Variants in AMOTL1 observed in about 807,000 individuals in gnomAD.
The protein encoded by AMOTL1 is angiomotin-like protein 1.
In AMOTL1, 45 loss-of-function variants were observed where a neutral mutation model predicts 102.9. The observed-to-expected ratio is 0.44, with a 90% CI of 0.34 to 0.56. The LOEUF is 0.56. AMOTL1 is among the 20% of genes least tolerant of loss of function. AMOTL1 has a pLI of 0.01. For synonymous variants in AMOTL1, 481 were observed against 484.7 expected (o/e 0.99, Z 0.10); for missense variants, 1,114 against 1,225.6 (o/e 0.91, Z 1.36).
chr11:94,738,764 G>A (rs912281969), intron 2 of AMOTL1, among the ~76,000 whole-genome samples: 1 of 152,122 alleles, frequency 6.6e-6, no homozygotes, highest in Admixed American at 6.5e-5. Context: ...GGAGAGTGAG[G>A]GGCAGAGAAA....
chr11:94,809,130 C>G (rs1450755761), intron 3 of AMOTL1, among the ~76,000 whole-genome samples: 2 of 151,970 alleles, frequency 1.3e-5, no homozygotes. Flanking sequence ...GCCACCACAC[C>G]TGGCTAATTT....
chr11:94,743,211 G>A (rs1950549206), intron 3 of AMOTL1, among the ~76,000 whole-genome samples: 2 of 152,166 alleles, frequency 1.3e-5, no homozygotes, highest in Admixed American at 6.5e-5. Flanking sequence ...GCAAAAAGCG[G>A]GGGTTGTGCC....
chr11:94,866,578 G>A (rs1324984972), intron 11 of AMOTL1: 1 of 211,644 alleles, frequency 4.7e-6, no homozygotes, highest in Non-Finnish European at 9.6e-6. Flanking sequence ...TACCCCATGG[G>A]GAGTGGGAGG....
chr11:94,711,459 T>A (rs1392933553), intron 1 of AMOTL1, among the ~76,000 whole-genome samples: 1 of 152,078 alleles, frequency 6.6e-6, no homozygotes, highest in Non-Finnish European at 1.5e-5. Flanking sequence ...GCTATGCATG[T>A]ACTCATTGTG....
intron 5 of AMOTL1, among the ~76,000 whole-genome samples, chr11:94,830,541 C>T (rs763225870): frequency 2.6e-5 from 4 of 152,226 alleles, no homozygotes; most frequent in East Asian, 3.8e-4. Flanking sequence ...TAATGTTAGA[C>T]GCACAACCCT....
At position 94,795,104 on chromosome 11, in the gene AMOTL1, G is replaced by A. The variant is rs865844293; in HGVS notation, c.143G>A (p.Arg48Lys). 1 of 1,613,810 alleles carries A rather than the reference G, an allele frequency of 6.2e-7. No individual in the cohort carries two copies. The highest frequency in any genetic ancestry group is 1.3e-5 in the African/African-American group (1 of 74,906). The change falls in exon 2 of 13, where the codon AGG (arginine) becomes AAG (lysine). Residue 48 changes from arginine to lysine, a missense_variant. Transcript: ENST00000433060. Reference protein sequence around the residue: ...FSPDFQLYSGRHETSALTVEA... With the variant: ...FSPDFQLYSGKHETSALTVEA... ...CCAGACTTTCAGCTCTATTCTGGGA[G>A]GCATGAAACATCTGCTTTGACGGTG...
chr11:94,756,126 T>G (rs914086162), intron 3 of AMOTL1, among the ~76,000 whole-genome samples: 1 of 146,990 alleles, frequency 6.8e-6, no homozygotes, highest in Non-Finnish European at 1.5e-5. Context: ...GTCGATGGCC[T>G]GCAGTGTTGG....
intron 7 of AMOTL1, among the ~76,000 whole-genome samples, chr11:94,852,127 C>T (rs1952552289): frequency 6.6e-6 from 1 of 152,164 alleles, no homozygotes; most frequent in Non-Finnish European, 1.5e-5. Flanking sequence ...AATATTTTGT[C>T]AGATGAGGCT....
rs191806255 is a variant in AMOTL1 at position 94,838,500 on chromosome 11, C to A, written c.1648+6959C>A. The stretch of plus-strand genomic sequence containing the variant: ...TAGCCCCAAAGCCACCATAGATGAT[C>A]CATAAACAAATGGGTGTAGCCCTGT... On this transcript the variant is annotated intron_variant, in intron 6 of 12. Coordinates refer to ENST00000433060, the MANE Select transcript of AMOTL1 (RefSeq NM_130847.3). Among the ~76,000 whole-genome samples the A allele has an allele frequency of 1.3e-3, 193 of 152,288 alleles. 1 individual carries two copies. Among genetic ancestry groups the A allele is most frequent in the African/African-American group, 4.4e-3 (181 of 41,566 alleles).
intron 1 of AMOTL1, among the ~76,000 whole-genome samples, chr11:94,774,891 G>A (rs1565347125): frequency 6.6e-6 from 1 of 152,130 alleles, no homozygotes; most frequent in Non-Finnish European, 1.5e-5. Flanking sequence ...AGTTGATATA[G>A]CTATATTTCT....
intron 3 of AMOTL1, among the ~76,000 whole-genome samples, chr11:94,818,377 G>A (rs190507298): frequency 6.6e-6 from 1 of 152,224 alleles, no homozygotes; most frequent in African/African-American, 2.4e-5. Context: ...CACCCAATTA[G>A]TACAGGTATT....
chr11:94,863,809 A>G (rs1159276820), intron 9 of AMOTL1, among the ~76,000 whole-genome samples: 2 of 152,244 alleles, frequency 1.3e-5, no homozygotes, highest in Non-Finnish European at 2.9e-5. Flanking sequence ...AACCAGTGGC[A>G]GGAATAGTTA....
intron 3 of AMOTL1, among the ~76,000 whole-genome samples, chr11:94,752,299 T>C (rs533946071): frequency 6.6e-6 from 1 of 152,246 alleles, no homozygotes; most frequent in South Asian, 2.1e-4. Context: ...CCCTCCTCCT[T>C]TTTCCATCTT....
chr11:94,751,008 G>T (rs1383468139), intron 3 of AMOTL1, among the ~76,000 whole-genome samples: 2 of 152,108 alleles, frequency 1.3e-5, no homozygotes, highest in African/African-American at 4.8e-5. Flanking sequence ...TTGGCTAGAG[G>T]CAAAGATTAG....
In AMOTL1 at chr11:94,795,172, T is replaced by C; in HGVS notation, c.199+12T>C. ...CAGGGAAAAAGTTGGTAAGTCCTTT[T>C]ACCGGCACTTGTGTTGGAAAAGCAA... On this transcript the variant is annotated intron_variant, in intron 2 of 12. Coordinates refer to ENST00000433060, the MANE Select transcript of AMOTL1 (RefSeq NM_130847.3). The C allele has an allele frequency of 3.1e-6, 5 of 1,612,912 alleles. No homozygotes were observed. The highest frequency in any genetic ancestry group is 4.2e-6 in the Non-Finnish European group (5 of 1,179,610).
chr11:94,850,244 C>G lies in AMOTL1; in HGVS notation c.1779C>G (p.Ile593Met), dbSNP rs774031251. ...TGAGCAACGCCCAGGCCAGGGTCAT[C>G]AAGCTGGAAGAGGAGGTGAGACCAG... ...QALSNAQARV[I>M]KLEEELREKQ... Residue 593 changes from isoleucine (I) to methionine (M), a missense_variant, in exon 7 of 13, where the codon ATC becomes ATG. Ile to Met is a conservative substitution (Grantham distance 10, BLOSUM62 1). Transcript: ENST00000433060. The G allele has an allele frequency of 6.3e-7, 1 of 1,595,294 alleles. No homozygotes were observed. Among genetic ancestry groups the G allele is most frequent in the South Asian group, 1.1e-5 (1 of 87,276 alleles).
chr11:94,711,013 T>C (rs1484702072), intron 1 of AMOTL1, among the ~76,000 whole-genome samples: 3 of 152,158 alleles, frequency 2.0e-5, no homozygotes, highest in East Asian at 3.8e-4. Flanking sequence ...CCCAAGGTAC[T>C]CCAAACATTT....
upstream of AMOTL1, chr11:94,768,269 G>C (rs1334048563): frequency 2.8e-5 from 34 of 1,219,246 alleles, no homozygotes; most frequent in South Asian, 6.0e-5. Context: ...GCGCCACGGC[G>C]GGGGTGGAGT....
rs1443437148 is a variant in AMOTL1, at chr11:94,872,214, C to G, written c.*1419C>G. 1 of 152,094 alleles carries G rather than the reference C, an allele frequency of 6.6e-6. No individual in the cohort carries two copies. Among genetic ancestry groups the G allele is most frequent in the African/African-American group, 2.4e-5 (1 of 41,406 alleles). The allele number at this position is 152,094 out of a possible 1,614,324, so 9.4% of individuals were successfully genotyped here. Reference sequence around the variant, plus strand: ...GACCTCTGCTGTGACATTGCATATTCAGCTCTGCAGACACTGGCTTCCTTT... The same window carrying G: ...GACCTCTGCTGTGACATTGCATATTGAGCTCTGCAGACACTGGCTTCCTTT... On this transcript the variant is annotated 3_prime_UTR_variant, in exon 13 of 13. Coordinates refer to ENST00000433060, the MANE Select transcript of AMOTL1 (RefSeq NM_130847.3).
Sources: allele counts gnomAD v4.1 joint callset (sites outside exome capture counted in the v4.1 genomes callset), GRCh38; gene constraint gnomAD v4.1.1; transcripts MANE v1.5; gene names NCBI Gene and HGNC (gene_info 2026-07-23, HGNC 2026-07-21).